TAMM41: variants seen among roughly 807,000 people sequenced by gnomAD.
TAMM41 encodes TAM41 mitochondrial translocator assembly and maintenance homolog.
A neutral mutation model predicts 44.1 loss-of-function variants in TAMM41; 36 were observed. That is an observed-to-expected ratio of 0.82 (90% CI 0.63 to 1.08). The LOEUF (loss-of-function observed/expected upper bound fraction) is 1.08, where lower values mean the gene tolerates loss of function less well. Ranked by LOEUF, TAMM41 falls within the 50% of genes least tolerant of loss-of-function variation. TAMM41 has a pLI of 0.00. For missense variants in TAMM41, 417 were observed against 404.3 expected (o/e 1.03, Z -0.27); for synonymous variants, 164 against 153.1 (o/e 1.07, Z -0.53).
the TAMM41 span, among the ~76,000 whole-genome samples, chr3:11,746,358 A>T: frequency 3.9e-5 from 6 of 152,066 alleles, no homozygotes; most frequent in Non-Finnish European, 8.8e-5. Context: ...CCAGAAGTGT[A>T]CAGTGAGCTG....
the TAMM41 span, among the ~76,000 whole-genome samples, chr3:11,738,485 T>C: frequency 6.6e-6 from 1 of 152,210 alleles, no homozygotes; most frequent in African/African-American, 2.4e-5. Context: ...AATTGGCTAA[T>C]GTTTTTGCCT....
rs889658272 is a variant in TAMM41, at chr3:11,833,056, T to C, written c.412-3192A>G. 30 of 1,228,902 alleles carry C rather than the reference T, an allele frequency of 2.4e-5. No homozygotes were observed. In the African/African-American group the frequency reaches 4.7e-4, roughly 19 times the overall value. 76.1% of individuals were successfully genotyped at this position (1,228,902 alleles called of 1,614,324 possible). A position where few individuals can be genotyped will look rare whatever the true frequency, so the allele number is the denominator to read the frequency against. On this transcript the variant is annotated intron_variant, in intron 3 of 7. Transcript: ENST00000455809. ...TCTGCTACTGTGCTGATCTGGTTCT[T>C]CAATGAAAGGTGAACTAGGAACTTG...
chr3:11,837,787 G>C (rs944218140), intron 3 of TAMM41, among the ~76,000 whole-genome samples: 2 of 152,174 alleles, frequency 1.3e-5, no homozygotes, highest in Non-Finnish European at 2.9e-5. Context: ...GCTAAGGGAG[G>C]CTCCACTGAG....
chr3:11,788,952 G>GA (rs2077433586), downstream of TAMM41, among the ~76,000 whole-genome samples: 1 of 147,958 alleles, frequency 6.8e-6, no homozygotes, highest in Non-Finnish European at 1.5e-5. Flanking sequence ...AAACAAAAAA[G>GA]AAAAAAGAAA....
chr3:11,813,747 G>A (rs1001088357), intron 5 of TAMM41, among the ~76,000 whole-genome samples: 8 of 151,590 alleles, frequency 5.3e-5, no homozygotes, highest in Middle Eastern at 3.2e-3. Flanking sequence ...CCAGGAGTTC[G>A]AGACCAGCCA....
At chr3:11,817,009 T>G in intron 5 of TAMM41, 183 bp downstream of exon 5, 1 of 565,886 alleles carries the variant, frequency 1.8e-6, no homozygotes, top group Non-Finnish European at 2.8e-6. Context: ...AGGCAGCCTC[T>G]TATTACTAGT....
intron 3 of TAMM41, 47 bp from the exon 4 acceptor site, chr3:11,829,911 T>C (rs1340844277): frequency 1.3e-6 from 2 of 1,584,526 alleles, no homozygotes; most frequent in Non-Finnish European, 1.7e-6. Context: ...AAGTGGAGTA[T>C]TGCTCAAGCA....
chr3:11,747,612 C>G, the TAMM41 span, among the ~76,000 whole-genome samples: 1 of 151,290 alleles, frequency 6.6e-6, no homozygotes, highest in African/African-American at 2.4e-5. Flanking sequence ...ACATAAAATT[C>G]CAAAAAACTA....
intron 4 of TAMM41, among the ~76,000 whole-genome samples, chr3:11,818,118 C>T (rs527391832): frequency 6.6e-6 from 1 of 152,276 alleles, no homozygotes; most frequent in Non-Finnish European, 1.5e-5. Flanking sequence ...GCTGGACACA[C>T]GCAGAACCTT....
At chr3:11,793,756 G>C (rs1042640991) in intron 7 of TAMM41, among the ~76,000 whole-genome samples, 5 of 152,208 alleles carry the variant, frequency 3.3e-5, no homozygotes, top group South Asian at 4.2e-4. Context: ...TTAAAAAATG[G>C]GTAAAACAGA....
chr3:11,814,493 C>T (rs775514643), intron 5 of TAMM41, among the ~76,000 whole-genome samples: 1 of 148,892 alleles, frequency 6.7e-6, no homozygotes, highest in Admixed American at 6.7e-5. Context: ...ATTTAATAAA[C>T]GAAGAGACGA....
chr3:11,734,878 CAAAAAAAAAAAA>C, the TAMM41 span, among the ~76,000 whole-genome samples: 1 of 73,312 alleles, frequency 1.4e-5, no homozygotes, highest in Non-Finnish European at 2.9e-5. Context: ...TACTAAAATA[CAAAAAAAAAAAA>C]AAAAAAAAAT....
chr3:11,742,243 C>G, the TAMM41 span, among the ~76,000 whole-genome samples: 1 of 150,236 alleles, frequency 6.7e-6, no homozygotes, highest in African/African-American at 2.5e-5. Flanking sequence ...TCCCACTGTG[C>G]CCTCTCTCCT....
chr3:11,837,297 G>A (rs947713555), intron 3 of TAMM41, among the ~76,000 whole-genome samples: 2 of 152,086 alleles, frequency 1.3e-5, no homozygotes, highest in Admixed American at 1.3e-4. Context: ...CTCACGCACA[G>A]TGAAAATCTT....
At chr3:11,742,766 T>A in the TAMM41 span, among the ~76,000 whole-genome samples, 1 of 151,444 alleles carries the variant, frequency 6.6e-6, no homozygotes, top group Admixed American at 6.6e-5. Flanking sequence ...AAAACAATTT[T>A]TTTTTTTTGG....
In TAMM41 at chr3:11,806,063, G is replaced by C. The variant is rs145827897; in HGVS notation, c.937+1770C>G. ...CTGCCGCCATGTAAGACATGATTTT[G>C]CTCCTCATTCACCTTCCGCCATGAT... On this transcript the variant is annotated intron_variant, in intron 7 of 7. Transcript: ENST00000455809. Among the ~76,000 whole-genome samples the C allele has an allele frequency of 1.0e-3, 155 of 152,258 alleles. No individual in the cohort carries two copies. In the East Asian group the frequency reaches 0.024, roughly 23 times the overall value.
the TAMM41 span, among the ~76,000 whole-genome samples, chr3:11,782,666 T>C: frequency 2.0e-5 from 3 of 152,230 alleles, no homozygotes; most frequent in East Asian, 5.8e-4. Context: ...TCCATAAACC[T>C]TAGGTTTTCT....
At chr3:11,777,269 T>C in the TAMM41 span, among the ~76,000 whole-genome samples, 2 of 152,178 alleles carry the variant, frequency 1.3e-5, no homozygotes, top group Non-Finnish European at 2.9e-5. Context: ...TTGTCAACTA[T>C]ACTTCAATAA....
the TAMM41 span, among the ~76,000 whole-genome samples, chr3:11,723,954 G>A: frequency 9.2e-5 from 14 of 152,012 alleles, no homozygotes; most frequent in African/African-American, 3.1e-4. Flanking sequence ...TGTTGAAGCT[G>A]AGGATGGGTA....
Sources: allele counts gnomAD v4.1 joint callset (sites outside exome capture counted in the v4.1 genomes callset), GRCh38; gene constraint gnomAD v4.1.1; transcripts MANE v1.5; gene names NCBI Gene and HGNC (gene_info 2026-07-23, HGNC 2026-07-21).